KATNIP: variants seen among roughly 807,000 people sequenced by gnomAD.
The protein encoded by KATNIP is katanin-interacting protein.
KATNIP carries 126 observed loss-of-function variants against 174.0 expected under a neutral mutation model. The ratio of observed to expected loss-of-function variants is 0.72; its 90% CI spans 0.63 to 0.84. The LOEUF is 0.84. KATNIP is among the 40% of genes least tolerant of loss of function. The probability of loss-of-function intolerance (pLI) is 0.00; values close to 1 mark genes in which losing one functional copy is unlikely to be tolerated. For missense variants in KATNIP, 1,958 were observed against 2,109.7 expected, an observed-to-expected ratio of 0.93 and a Z score of 1.41; for synonymous variants, 810 against 835.7, an observed-to-expected ratio of 0.97 and a Z score of 0.53.
intron 2 of KATNIP, among the ~76,000 whole-genome samples, chr16:27,606,732 CTTT>C (rs112061995): frequency 7.5e-4 from 109 of 144,658 alleles, no homozygotes; most frequent in Admixed American, 8.4e-4. Context: ...ATTTTTCTAA[CTTT>C]TTTTTTTTTT....
chr16:27,656,419 GAAAAAAAAAAAA>G (rs927275425), intron 6 of KATNIP, among the ~76,000 whole-genome samples: 2 of 34,422 alleles, frequency 5.8e-5, no homozygotes, highest in Non-Finnish European at 1.3e-4. Flanking sequence ...CTCTGTCTCA[GAAAAAAAAAAAA>G]AAAAAAAAAG....
intron 7 of KATNIP, among the ~76,000 whole-genome samples, chr16:27,680,107 C>T (rs1366526106): frequency 2.0e-5 from 3 of 152,156 alleles, no homozygotes; most frequent in African/African-American, 7.2e-5. Flanking sequence ...TTGTCTTTCT[C>T]TCCACCCACC....
At chr16:27,708,480 G>A in intron 12 of KATNIP, 1 of 485,660 alleles carries the variant, frequency 2.1e-6, no homozygotes, top group Non-Finnish European at 3.6e-6. Flanking sequence ...TGCTCACAGA[G>A]TGCCAGTTAC....
intron 6 of KATNIP, among the ~76,000 whole-genome samples, chr16:27,671,793 C>T (rs1398476162): frequency 6.6e-6 from 1 of 152,156 alleles, no homozygotes; most frequent in Non-Finnish European, 1.5e-5. Flanking sequence ...CAGTGGCTCG[C>T]GCCTGTAATC....
At chr16:27,672,767 G>T (rs886940044) in intron 6 of KATNIP, among the ~76,000 whole-genome samples, 8 of 152,140 alleles carry the variant, frequency 5.3e-5, no homozygotes, top group Non-Finnish European at 1.2e-4. Flanking sequence ...AAATTTGGGG[G>T]TATCTCCACA....
chr16:27,690,363 T>TAGATGATAGATAGATAGATAGATA (rs397837255), intron 8 of KATNIP, among the ~76,000 whole-genome samples: 26 of 90,984 alleles, frequency 2.9e-4, no homozygotes, highest in African/African-American at 1.2e-3. Context: ...GATAGATAGA[T>TAGATGATAGATAGATAGATAGATA]GATAGATAGA....
At chr16:27,659,898 T>G in intron 6 of KATNIP, 1 of 423,380 alleles carries the variant, frequency 2.4e-6, no homozygotes, top group Non-Finnish European at 3.2e-6. Context: ...CTGTTTGACT[T>G]GGACTTAGAA....
intron 3 of KATNIP, among the ~76,000 whole-genome samples, chr16:27,620,626 A>T (rs2076167079): frequency 6.6e-6 from 1 of 152,158 alleles, no homozygotes; most frequent in Non-Finnish European, 1.5e-5. Flanking sequence ...ACTGCAATTT[A>T]CTTGGAAATC....
chr16:27,657,861 G>A (rs2077350221), intron 6 of KATNIP, among the ~76,000 whole-genome samples: 1 of 152,196 alleles, frequency 6.6e-6, no homozygotes. Flanking sequence ...AGTGAGCCGA[G>A]ATCATGCCAC....
chr16:27,642,575 A>C (rs1344607153), intron 5 of KATNIP, among the ~76,000 whole-genome samples: 1 of 152,066 alleles, frequency 6.6e-6, no homozygotes, highest in Non-Finnish European at 1.5e-5. Context: ...TGTTCCGGGT[A>C]GTGCTTTCCC....
intron 11 of KATNIP, among the ~76,000 whole-genome samples, chr16:27,703,314 A>G (rs2079173281): frequency 6.6e-6 from 1 of 152,190 alleles, no homozygotes; most frequent in Middle Eastern, 3.4e-3. Context: ...GGGGGTACCC[A>G]GCCTTAAACT....
chr16:27,631,919 G>A (rs2076501523), intron 5 of KATNIP, among the ~76,000 whole-genome samples: 1 of 152,176 alleles, frequency 6.6e-6, no homozygotes, highest in Non-Finnish European at 1.5e-5. Context: ...GGTACCACAC[G>A]TAGGCTCAGC....
chr16:27,593,346 C>T (rs1412147846), intron 2 of KATNIP, among the ~76,000 whole-genome samples: 2 of 151,414 alleles, frequency 1.3e-5, no homozygotes, highest in Non-Finnish European at 2.9e-5. Context: ...TCAAGCAACT[C>T]TTCTGCTTCA....
rs1362285688 is a variant in KATNIP, at chr16:27,721,681, T to C, written c.1729T>C (p.Trp577Arg). The C allele has an allele frequency of 6.2e-7, 1 of 1,614,086 alleles. No individual in the cohort carries two copies. ...HLAKIKVRNY[W>R]TADGDLDIGA... ...GGCCAAGATCAAGGTTCGGAATTAC[T>C]GGACAGCTGATGGCGTAAGTAACAG... Residue 577 changes from tryptophan (W) to arginine (R), a missense_variant, in exon 14 of 28, where the codon TGG (tryptophan) becomes CGG (arginine). Physicochemically the swap from Trp to Arg is moderately radical, Grantham distance 101 (BLOSUM62 -3). This residue lies in a region of KATNIP where 1,557 missense variants were observed against 1,617.8 expected (regional missense o/e 0.96). Transcript: ENST00000261588.
At position 27,708,706 on chromosome 16, in the gene KATNIP, A is replaced by G; in HGVS notation, c.1391A>G (p.Asp464Gly). ...PTKEQVSDTEDKQRMRADEIK... is the reference protein window; with the variant it reads ...PTKEQVSDTEGKQRMRADEIK... The stretch of plus-strand genomic sequence containing the variant: ...GGTGTTATTTTTCTCTTCTTTAAGG[A>G]CAAACAGAGAATGAGGGCAGACGAG... Residue 464 changes from aspartate to glycine, a missense_variant and splice_region_variant, in exon 13 of 28, where the codon GAC becomes GGC. This residue lies in a region of KATNIP where 1,557 missense variants were observed against 1,617.8 expected (regional missense o/e 0.96). Transcript: ENST00000261588. The G allele has an allele frequency of 6.2e-7, 1 of 1,608,902 alleles. No individual in the cohort carries two copies. Among genetic ancestry groups the G allele is most frequent in the East Asian group, 2.2e-5 (1 of 44,746 alleles).
chr16:27,668,451 G>C (rs1337508965), intron 6 of KATNIP, among the ~76,000 whole-genome samples: 1 of 152,216 alleles, frequency 6.6e-6, no homozygotes, highest in African/African-American at 2.4e-5. Flanking sequence ...TGTAAGAGGT[G>C]ACTTGCTCCT....
At chr16:27,660,564 A>G (rs1317996585) in intron 6 of KATNIP, among the ~76,000 whole-genome samples, 1 of 151,850 alleles carries the variant, frequency 6.6e-6, no homozygotes, top group East Asian at 1.9e-4. Flanking sequence ...GAACAAAACA[A>G]CAACAACAAC....
intron 13 of KATNIP, among the ~76,000 whole-genome samples, chr16:27,713,802 G>GTGTGTA (rs1381722732): frequency 2.4e-4 from 11 of 46,314 alleles, no homozygotes; most frequent in African/African-American, 5.0e-4. Context: ...GTGTGTGTGT[G>GTGTGTA]TATATACATA....
intron 18 of KATNIP, chr16:27,757,678 C>A: frequency 4.5e-6 from 1 of 222,806 alleles, no homozygotes; most frequent in Non-Finnish European, 7.5e-6. Context: ...GCACCCTCTG[C>A]GTCTGTTTTG....
Sources: allele counts gnomAD v4.1 joint callset (sites outside exome capture counted in the v4.1 genomes callset), GRCh38; gene constraint gnomAD v4.1.1; regional missense constraint gnomAD v4.1.1; transcripts MANE v1.5; gene names NCBI Gene and HGNC (gene_info 2026-07-23, HGNC 2026-07-21).